The following ADARB2 variants were observed in gnomAD, a reference collection of about 807,000 sequenced individuals.
The protein encoded by ADARB2 is inactive double-stranded RNA-specific editase B2.
A neutral mutation model predicts 62.2 loss-of-function variants in ADARB2; 25 were observed. The ratio of observed to expected loss-of-function variants is 0.40; its 90% CI spans 0.29 to 0.56. The LOEUF is 0.56. ADARB2 is among the 20% of genes least tolerant of loss of function. The probability of loss-of-function intolerance (pLI) is 0.43; values close to 1 mark genes in which losing one functional copy is unlikely to be tolerated. For synonymous variants in ADARB2, 572 were observed against 500.8 expected (o/e 1.14, Z -1.90); for missense variants, 1,071 against 1,077.4 (o/e 0.99, Z 0.08).
At chr10:1,575,650 C>A (rs2131995909) in intron 1 of ADARB2, among the ~76,000 whole-genome samples, 1 of 152,358 alleles carries the variant, frequency 6.6e-6, no homozygotes, top group South Asian at 2.1e-4. Flanking sequence ...TCCTCCCCAC[C>A]TGCTCCTGCG....
chr10:1,633,309 C>A (rs1336389534), intron 1 of ADARB2, among the ~76,000 whole-genome samples: 3 of 152,162 alleles, frequency 2.0e-5, no homozygotes. Flanking sequence ...GGTTGAGTGT[C>A]CCTAATCAAA....
At chr10:1,309,850 C>G (rs946261208) in intron 3 of ADARB2, among the ~76,000 whole-genome samples, 6 of 152,212 alleles carry the variant, frequency 3.9e-5, no homozygotes, top group African/African-American at 1.4e-4. Context: ...TATTTTAATT[C>G]AGGACATTAC....
chr10:1,364,124 T>C (rs953600162), intron 2 of ADARB2, among the ~76,000 whole-genome samples: 2 of 152,206 alleles, frequency 1.3e-5, no homozygotes, highest in African/African-American at 4.8e-5. Flanking sequence ...GGTCCCTTGC[T>C]GAGGGCCTGT....
chr10:1,401,274 GCAT>G (rs1446985952), intron 1 of ADARB2, among the ~76,000 whole-genome samples: 1 of 152,232 alleles, frequency 6.6e-6, no homozygotes, highest in Admixed American at 6.5e-5. Context: ...TTCCCACAAG[GCAT>G]CACCCATGGG....
chr10:1,642,187 TTG>T, intron 1 of ADARB2, among the ~76,000 whole-genome samples: 1 of 152,232 alleles, frequency 6.6e-6, no homozygotes, highest in East Asian at 1.9e-4. Context: ...AAACCAGAAC[TTG>T]TGTGAGGTCA....
At chr10:1,511,791 C>A (rs1831939333) in intron 1 of ADARB2, among the ~76,000 whole-genome samples, 1 of 151,966 alleles carries the variant, frequency 6.6e-6, no homozygotes, top group Admixed American at 6.6e-5. Flanking sequence ...TTAATGCTGT[C>A]TACACTGGAC....
intron 1 of ADARB2, among the ~76,000 whole-genome samples, chr10:1,612,794 G>A (rs1424030684): frequency 6.6e-6 from 1 of 152,210 alleles, no homozygotes; most frequent in East Asian, 1.9e-4. Flanking sequence ...GGGCTACGTT[G>A]TATAAGCAGG....
At chr10:1,370,255 C>G (rs1259628525) in intron 2 of ADARB2, among the ~76,000 whole-genome samples, 1 of 111,008 alleles carries the variant, frequency 9.0e-6, no homozygotes, top group African/African-American at 2.7e-5. Context: ...TCCAACATCC[C>G]TTCATGATAA....
intron 3 of ADARB2, among the ~76,000 whole-genome samples, chr10:1,296,447 T>TCAGTAAGAA (rs1831523788): frequency 6.6e-6 from 1 of 152,174 alleles, no homozygotes. Context: ...CTACTGATGA[T>TCAGTAAGAA]TCCATAACGT....
chr10:1,328,289 G>A (rs189036139), intron 3 of ADARB2, among the ~76,000 whole-genome samples: 5 of 152,340 alleles, frequency 3.3e-5, no homozygotes, highest in African/African-American at 1.2e-4. Flanking sequence ...ACGAAGGGCA[G>A]CATCCAGGAA....
chr10:1,354,317 T>A (rs1832173287), intron 3 of ADARB2, among the ~76,000 whole-genome samples: 1 of 152,172 alleles, frequency 6.6e-6, no homozygotes, highest in South Asian at 2.1e-4. Flanking sequence ...ATGACATTAC[T>A]TTGTGAAATT....
At chr10:1,442,769 T>A (rs1830921467) in intron 1 of ADARB2, among the ~76,000 whole-genome samples, 1 of 152,176 alleles carries the variant, frequency 6.6e-6, no homozygotes, top group South Asian at 2.1e-4. Flanking sequence ...CGTTTTGATT[T>A]TTTTTCTTGG....
At chr10:1,640,501 T>C (rs901297794) in intron 1 of ADARB2, among the ~76,000 whole-genome samples, 1 of 152,152 alleles carries the variant, frequency 6.6e-6, no homozygotes, top group East Asian at 1.9e-4. Context: ...TGACATAAAA[T>C]ATGAGGAAAA....
intron 1 of ADARB2, among the ~76,000 whole-genome samples, chr10:1,594,362 C>G (rs115058236): frequency 2.0e-5 from 3 of 152,156 alleles, no homozygotes; most frequent in East Asian, 3.9e-4. Context: ...CCTCCCGGGG[C>G]GAGGTAGCAT....
intron 3 of ADARB2, among the ~76,000 whole-genome samples, chr10:1,321,557 AT>A (rs202241008): frequency 6.6e-6 from 1 of 151,796 alleles, no homozygotes; most frequent in African/African-American, 2.4e-5. Context: ...ATATTTTCAA[AT>A]TTTTTTGTAG....
intron 1 of ADARB2, among the ~76,000 whole-genome samples, chr10:1,601,717 TC>T (rs568008528): frequency 2.4e-4 from 37 of 152,192 alleles, no homozygotes; most frequent in African/African-American, 8.7e-4. Context: ...AGCCACCTGC[TC>T]CCCCGAAAGC....
At chr10:1,425,201 G>A (rs1295853155) in intron 1 of ADARB2, among the ~76,000 whole-genome samples, 1 of 152,102 alleles carries the variant, frequency 6.6e-6, no homozygotes, top group Non-Finnish European at 1.5e-5. Flanking sequence ...ACGGTTTCAG[G>A]AACAAGAATT....
intron 1 of ADARB2, among the ~76,000 whole-genome samples, chr10:1,499,321 T>C (rs1831733296): frequency 6.6e-6 from 1 of 151,914 alleles, no homozygotes; most frequent in African/African-American, 2.4e-5. Flanking sequence ...ACGCATTCAT[T>C]ACTCACTGAA....
chr10:1,683,834 A>G (rs1409491066), intron 1 of ADARB2, among the ~76,000 whole-genome samples: 1 of 152,230 alleles, frequency 6.6e-6, no homozygotes, highest in Non-Finnish European at 1.5e-5. Context: ...TCACATAAGA[A>G]GGCGGTGGGG....
Sources: gnomAD v4.1 joint callset for allele counts (sites outside exome capture counted in the v4.1 genomes callset) on GRCh38, gnomAD v4.1.1 for gene constraint, MANE v1.5 for transcripts, NCBI Gene and HGNC (gene_info 2026-07-23, HGNC 2026-07-21) for gene names.